NRP1: variants seen among roughly 807,000 people sequenced by gnomAD.
NRP1 encodes the protein neuropilin 1, also known as neuropilin-1.
NRP1 carries 35 observed loss-of-function variants against 106.7 expected under a neutral mutation model. That is an observed-to-expected ratio of 0.33 (90% CI 0.25 to 0.43). The LOEUF (loss-of-function observed/expected upper bound fraction) is 0.43. Among genes scored for constraint, NRP1 ranks in the 20% least tolerant of loss-of-function variants. The probability of loss-of-function intolerance (pLI) is 1.00; values close to 1 mark genes in which losing one functional copy is unlikely to be tolerated. For synonymous variants in NRP1, 437 were observed against 417.9 expected (o/e 1.05, Z -0.56); for missense variants, 1,024 against 1,170.4 (o/e 0.87, Z 1.83).
At chr10:33,258,352 C>T (rs1842343620) in intron 4 of NRP1, among the ~76,000 whole-genome samples, 1 of 152,158 alleles carries the variant, frequency 6.6e-6, no homozygotes, top group South Asian at 2.1e-4. Flanking sequence ...TTGAATAATA[C>T]CTGATAATTT....
chr10:33,236,644 C>T (rs546757522), intron 6 of NRP1, among the ~76,000 whole-genome samples: 1 of 152,240 alleles, frequency 6.6e-6, no homozygotes, highest in South Asian at 2.1e-4. Context: ...ACAGGTCACC[C>T]GTTCCTAATA....
At chr10:33,304,734 A>T (rs929299593) in intron 2 of NRP1, among the ~76,000 whole-genome samples, 8 of 152,168 alleles carry the variant, frequency 5.3e-5, no homozygotes, top group African/African-American at 1.9e-4. Context: ...TGTGGATCCA[A>T]TTCAGTCTAG....
rs1487739978 is a variant in NRP1 at position 33,330,841 on chromosome 10, G to GGTAACC, written c.114_115insGGTTAC (p.Gly37_Tyr38dup). 2 of 1,611,704 alleles carry GGTAACC rather than the reference G, an allele frequency of 1.2e-6. No individual in the cohort carries two copies. Among genetic ancestry groups the GGTAACC allele is most frequent in the African/African-American group, 2.7e-5 (2 of 74,840 alleles). On this transcript the variant is annotated inframe_insertion, in exon 2 of 17. Transcript: ENST00000374867. ...GAATGAGGATAACCAGGAGATGTAA[G>GGTAACC]GTACCCGGGGCTTTCAATTTTTATA...
At chr10:33,235,525 G>A (rs979012810) in intron 6 of NRP1, among the ~76,000 whole-genome samples, 1 of 152,252 alleles carries the variant, frequency 6.6e-6, no homozygotes, top group Admixed American at 6.5e-5. Flanking sequence ...ACACATTTAA[G>A]ACAAATATGA....
chr10:33,325,794 G>A (rs367888244), intron 2 of NRP1, among the ~76,000 whole-genome samples: 6 of 152,244 alleles, frequency 3.9e-5, no homozygotes, highest in East Asian at 3.9e-4. Flanking sequence ...TCCTTTGAAC[G>A]CACTGAGTTA....
chr10:33,207,765 C>A (rs754614137), intron 9 of NRP1, 49 bp from the exon 10 acceptor site: 1 of 1,590,170 alleles, frequency 6.3e-7, no homozygotes, highest in African/African-American at 1.4e-5. Context: ...AAAAACAGAG[C>A]TCCCTTTTAG....
At chr10:33,288,136 C>T (rs754538841) in intron 2 of NRP1, among the ~76,000 whole-genome samples, 55 of 151,958 alleles carry the variant, frequency 3.6e-4, no homozygotes, top group South Asian at 1.7e-3. Context: ...AAAATTAGAA[C>T]GGTTGATTTG....
At position 33,277,103 on chromosome 10, in the gene NRP1, T is replaced by A. The variant is rs542819434; in HGVS notation, c.249-6247A>T. Among the ~76,000 whole-genome samples the A allele has an allele frequency of 2.0e-5, 3 of 147,496 alleles. No homozygotes were observed. In the South Asian group the frequency reaches 6.4e-4, roughly 32 times the overall value. On this transcript the variant is annotated intron_variant, in intron 2 of 16. Coordinates refer to ENST00000374867, the MANE Select transcript of NRP1 (RefSeq NM_003873.7). ...CTGGGTAACAGATCAAGACCCTGTCTCTAAAATTAAAAAAAAAAAAAAGAA... is the reference window on the plus strand; with the variant it reads ...CTGGGTAACAGATCAAGACCCTGTCACTAAAATTAAAAAAAAAAAAAAGAA...
intron 4 of NRP1, among the ~76,000 whole-genome samples, chr10:33,259,280 C>A (rs532231727): frequency 6.6e-6 from 1 of 152,156 alleles, no homozygotes; most frequent in African/African-American, 2.4e-5. Context: ...ACACTGCCCC[C>A]GGACAACAGC....
rs1470644534 is a variant in NRP1, at chr10:33,213,458, C to A, written c.1542G>T (p.Lys514Asn). 1.2e-6 allele frequency: 2 copies of A among 1,614,126 alleles called. No individual in the cohort carries two copies. Among genetic ancestry groups the A allele is most frequent in the South Asian group, 2.2e-5 (2 of 91,062 alleles). ...KHRENKVFMR[K>N]FKIGYSNNGS... ...CGTTGTTGCTGTACCCGATCTTGAA[C>A]TTCCTCATGAACACCTTGTTCTCTC... The change falls in exon 9 of 17, where the codon AAG becomes AAT. Residue 514 changes from lysine to asparagine, a missense_variant. Physicochemically the swap from Lys to Asn is moderately conservative, Grantham distance 94. Around this residue, in one of 5 missense-constraint regions of NRP1, gnomAD observed 562 missense variants for 620.3 expected, o/e 0.91. Coordinates refer to ENST00000374867, the MANE Select transcript of NRP1 (RefSeq NM_003873.7).
At chr10:33,219,807 T>C (rs1352195029) in intron 8 of NRP1, among the ~76,000 whole-genome samples, 2 of 137,100 alleles carry the variant, frequency 1.5e-5, no homozygotes, top group Admixed American at 1.5e-4. Context: ...TTATGAAGTT[T>C]ACCTCATTTT....
chr10:33,255,228 G>T (rs926240806), intron 5 of NRP1, among the ~76,000 whole-genome samples: 1 of 152,104 alleles, frequency 6.6e-6, no homozygotes, highest in African/African-American at 2.4e-5. Context: ...TTTGTTATTT[G>T]TAATATAACA....
intron 2 of NRP1, among the ~76,000 whole-genome samples, chr10:33,324,550 G>A (rs1346860888): frequency 6.6e-6 from 1 of 152,164 alleles, no homozygotes; most frequent in Non-Finnish European, 1.5e-5. Context: ...TGCATCAGTA[G>A]GATTCTGCTT....
intron 2 of NRP1, among the ~76,000 whole-genome samples, chr10:33,304,547 C>G (rs1271524194): frequency 6.6e-6 from 1 of 152,158 alleles, no homozygotes; most frequent in Non-Finnish European, 1.5e-5. Context: ...GCACCAGAAC[C>G]CCAGTGTATG....
chr10:33,236,144 G>A (rs954780602), intron 6 of NRP1, among the ~76,000 whole-genome samples: 3 of 152,164 alleles, frequency 2.0e-5, no homozygotes, highest in African/African-American at 4.8e-5. Flanking sequence ...AAGAGGACAC[G>A]CTGTCAGAAC....
At chr10:33,327,536 A>AT (rs1331515181) in intron 2 of NRP1, among the ~76,000 whole-genome samples, 1 of 152,116 alleles carries the variant, frequency 6.6e-6, no homozygotes, top group Non-Finnish European at 1.5e-5. Context: ...CCTCCAATCC[A>AT]TTTTTGTAAA....
intron 2 of NRP1, among the ~76,000 whole-genome samples, chr10:33,296,422 C>A (rs1442361444): frequency 1.3e-5 from 2 of 152,182 alleles, no homozygotes; most frequent in African/African-American, 4.8e-5. Context: ...CAAGCCAGCC[C>A]AGAGCCATCT....
intron 6 of NRP1, among the ~76,000 whole-genome samples, chr10:33,245,012 A>G (rs1046063953): frequency 2.0e-5 from 3 of 152,248 alleles, no homozygotes; most frequent in African/African-American, 7.2e-5. Flanking sequence ...AGCTAAAAAT[A>G]GGGAAGCCTA....
chr10:33,216,758 C>A (rs1421495452), intron 8 of NRP1, among the ~76,000 whole-genome samples: 1 of 152,112 alleles, frequency 6.6e-6, no homozygotes, highest in East Asian at 1.9e-4. Context: ...TGCTGATGAG[C>A]ACATTTAGTT....
Sources: allele counts gnomAD v4.1 joint callset (sites outside exome capture counted in the v4.1 genomes callset), GRCh38; gene constraint gnomAD v4.1.1; regional missense constraint gnomAD v4.1.1; transcripts MANE v1.5; gene names NCBI Gene and HGNC (gene_info 2026-07-23, HGNC 2026-07-21).